Variants in OR2Z1 observed in about 807,000 individuals in gnomAD.
OR2Z1 encodes olfactory receptor family 2 subfamily Z member 1, also known as olfactory receptor 2Z1.
For synonymous variants in OR2Z1, 188 were observed against 160.6 expected, an observed-to-expected ratio of 1.17 and a Z score of -1.29; for missense variants, 449 against 401.8, an observed-to-expected ratio of 1.12 and a Z score of -1.00.
intron 2 of OR2Z1, among the ~76,000 whole-genome samples, chr19:8,725,412 T>C (rs1321922857): frequency 2.0e-5 from 3 of 152,094 alleles, no homozygotes; most frequent in African/African-American, 7.2e-5. Flanking sequence ...CTGGCTAATT[T>C]TTGTATTTTT....
chr19:8,730,046 G>T (rs1555756557), intron 2 of OR2Z1, among the ~76,000 whole-genome samples: 1 of 152,080 alleles, frequency 6.6e-6, no homozygotes, highest in Non-Finnish European at 1.5e-5. Flanking sequence ...GCAATCCATG[G>T]TGTCTATATA....
At chr19:8,730,098 G>A (rs1054106847) in intron 2 of OR2Z1, among the ~76,000 whole-genome samples, 1 of 152,118 alleles carries the variant, frequency 6.6e-6, no homozygotes, top group African/African-American at 2.4e-5. Context: ...TAGGCACCCC[G>A]GTTGATTCAA....
chr19:8,728,196 A>G (rs576884234), intron 2 of OR2Z1, among the ~76,000 whole-genome samples: 1 of 152,340 alleles, frequency 6.6e-6, no homozygotes, highest in East Asian at 1.9e-4. Context: ...AGTTGTGGGC[A>G]CTGCATGGTC....
In OR2Z1 at chr19:8,731,844, C is replaced by T. The variant is rs139566081; in HGVS notation, c.816C>T (p.Asn272=). ...PCAYHSPQQD[N]VVSLFYSLVT... Reference sequence around the variant, plus strand: ...CCTACCACAGTCCACAGCAGGATAACGTGGTTTCCCTCTTCTATAGCCTTG... The same window carrying T: ...CCTACCACAGTCCACAGCAGGATAATGTGGTTTCCCTCTTCTATAGCCTTG... The change falls in exon 3 of 3, where the codon AAC becomes AAT. Residue 272 remains asparagine (N), a synonymous_variant. Coordinates refer to ENST00000641125, the MANE Select transcript of OR2Z1 (RefSeq NM_001004699.3). 8.1e-6 allele frequency: 13 copies of T among 1,614,206 alleles called. No individual in the cohort carries two copies. Among genetic ancestry groups the T allele is most frequent in the African/African-American group, 5.3e-5 (4 of 75,058 alleles).
chr19:8,723,345 G>A (rs2043314332), intron 2 of OR2Z1, among the ~76,000 whole-genome samples, 195 bp downstream of exon 2: 1 of 151,952 alleles, frequency 6.6e-6, no homozygotes, highest in Non-Finnish European at 1.5e-5. Context: ...AAACTTCCAT[G>A]CCTCCTTCTC....
intron 1 of OR2Z1, 42 bp from the exon 2 acceptor site, chr19:8,723,064 C>T (rs1487855323): frequency 6.6e-6 from 1 of 152,114 alleles, no homozygotes; most frequent in Non-Finnish European, 1.5e-5. Context: ...ATTAGAGGAA[C>T]TGCTAGAGAT....
At chr19:8,728,944 T>A in intron 2 of OR2Z1, 1 of 677,014 alleles carries the variant, frequency 1.5e-6, no homozygotes, top group South Asian at 1.4e-5. Context: ...TCTATCTTCT[T>A]GATGGTGGAC....
chr19:8,730,906 C>T lies in OR2Z1; in HGVS notation c.-123C>T. ...CTCATTACTCTTCTCAAGACACCATCCCAGGAAGCCACTACCAATCAATGA... is the reference window on the plus strand; with the variant it reads ...CTCATTACTCTTCTCAAGACACCATTCCAGGAAGCCACTACCAATCAATGA... On this transcript the variant is annotated 5_prime_UTR_variant, in exon 3 of 3. Transcript: ENST00000641125. 1.4e-6 allele frequency: 1 copy of T among 711,914 alleles called. No homozygotes were observed. The highest frequency in any genetic ancestry group is 2.4e-6 in the Non-Finnish European group (1 of 423,558). The allele number at this position is 711,914 out of a possible 1,614,324, so 44.1% of individuals were successfully genotyped here. A position where few individuals can be genotyped will look rare whatever the true frequency, so the allele number is the denominator to read the frequency against.
rs782250360 is a variant in OR2Z1, at chr19:8,731,037, T to C, written c.9T>C (p.Asp3=). 1 of 1,613,934 alleles carries C rather than the reference T, an allele frequency of 6.2e-7. No individual in the cohort carries two copies. The highest frequency in any genetic ancestry group is 1.7e-5 in the Admixed American group (1 of 60,018). Residue 3 remains aspartate, a synonymous_variant, in exon 3 of 3, where the codon GAT becomes GAC. Transcript: ENST00000641125. The part of the protein sequence containing the change: MG[D]VNQSVASDFI... ...AGTGCATTGTGTAAAACATGGGGGATGTGAATCAGTCGGTGGCCTCAGACT... is the reference window on the plus strand; with the variant it reads ...AGTGCATTGTGTAAAACATGGGGGACGTGAATCAGTCGGTGGCCTCAGACT...
chr19:8,731,807 T>C lies in OR2Z1; in HGVS notation c.779T>C (p.Met260Thr), dbSNP rs552110038. The C allele has an allele frequency of 3.1e-6, 5 of 1,614,214 alleles. No homozygotes were observed. The highest frequency in any genetic ancestry group is 2.2e-5 in the East Asian group (1 of 44,876). Residue 260 changes from methionine (M) to threonine (T), a missense_variant, in exon 3 of 3, where the codon ATG (methionine) becomes ACG (threonine). Transcript: ENST00000641125. ...LFYGAAVFMY[M>T]VPCAYHSPQQ... Reference sequence around the variant, plus strand: ...TATGGTGCCGCCGTGTTCATGTACATGGTGCCTTGCGCCTACCACAGTCCA... The same window carrying C: ...TATGGTGCCGCCGTGTTCATGTACACGGTGCCTTGCGCCTACCACAGTCCA...
rs1485317588 is a variant in OR2Z1, at chr19:8,730,929, T to G, written c.-100T>G. 6 of 870,174 alleles carry G rather than the reference T, an allele frequency of 6.9e-6. No homozygotes were observed. In the African/African-American group the frequency reaches 1.0e-4, roughly 15 times the overall value. The allele number at this position is 870,174 out of a possible 1,614,324, so 53.9% of individuals were successfully genotyped here. A position where few individuals can be genotyped will look rare whatever the true frequency, so the allele number is the denominator to read the frequency against. On this transcript the variant is annotated 5_prime_UTR_variant, in exon 3 of 3. It removes an upstream start codon present in the reference 5' UTR. Transcript: ENST00000641125. ...ATCCCAGGAAGCCACTACCAATCAA[T>G]GATGATTGGCATGTGAGATGAAAAT...
At chr19:8,728,791 G>A (rs782608234) in intron 2 of OR2Z1, 6 of 624,878 alleles carry the variant, frequency 9.6e-6, no homozygotes, top group Admixed American at 3.6e-5. Flanking sequence ...GGAGCCAGTC[G>A]AACATATGCC....
intron 2 of OR2Z1, chr19:8,729,219 C>A: frequency 1.4e-6 from 1 of 692,192 alleles, no homozygotes; most frequent in Non-Finnish European, 2.5e-6. Flanking sequence ...TGAAAAGGGC[C>A]CAATAGGTAG....
At chr19:8,722,756 A>C (rs1161581570) in intron 1 of OR2Z1, among the ~76,000 whole-genome samples, 12 of 152,154 alleles carry the variant, frequency 7.9e-5, no homozygotes, top group Admixed American at 3.3e-4. Context: ...TAATCCCAGC[A>C]CTTTGTGAGG....
chr19:8,726,794 T>C (rs577024865), intron 2 of OR2Z1, among the ~76,000 whole-genome samples: 322 of 152,308 alleles, frequency 2.1e-3, no homozygotes, highest in Non-Finnish European at 1.9e-3. Flanking sequence ...GGCCATCATC[T>C]GAGTGAGGAA....
intron 1 of OR2Z1, among the ~76,000 whole-genome samples, chr19:8,722,601 C>T (rs1555755801): frequency 6.6e-6 from 1 of 152,186 alleles, no homozygotes; most frequent in African/African-American, 2.4e-5. Flanking sequence ...TGAGATGTTC[C>T]AGCCCAGATT....
intron 2 of OR2Z1, among the ~76,000 whole-genome samples, chr19:8,729,557 G>A (rs1277594479): frequency 6.6e-6 from 1 of 151,040 alleles, no homozygotes; most frequent in African/African-American, 2.4e-5. Flanking sequence ...ACTACAGGCA[G>A]TCACCACCAA....
At position 8,730,980 on chromosome 19, in the gene OR2Z1, T is replaced by A; in HGVS notation, c.-49T>A. ...TATTTGCCACCCCATGCAGGCTTCT[T>A]GCCATAGTTCAGCTGTTCTTCCTGC... On this transcript the variant is annotated 5_prime_UTR_variant, in exon 3 of 3. Coordinates refer to ENST00000641125, the MANE Select transcript of OR2Z1 (RefSeq NM_001004699.3). The A allele has an allele frequency of 6.7e-7, 1 of 1,493,076 alleles. No homozygotes were observed. Among genetic ancestry groups the A allele is most frequent in the Non-Finnish European group, 9.2e-7 (1 of 1,081,228 alleles). 92.5% of individuals were successfully genotyped at this position (1,493,076 alleles called of 1,614,324 possible).
intron 2 of OR2Z1, among the ~76,000 whole-genome samples, chr19:8,723,526 G>A (rs2043314984): frequency 6.6e-6 from 1 of 152,042 alleles, no homozygotes; most frequent in Non-Finnish European, 1.5e-5. Flanking sequence ...TAAATTATCT[G>A]ACTCCCGTAC....
Sources: gnomAD v4.1 joint callset for allele counts (sites outside exome capture counted in the v4.1 genomes callset) on GRCh38, gnomAD v4.1.1 for gene constraint, MANE v1.5 for transcripts, NCBI Gene and HGNC (gene_info 2026-07-23, HGNC 2026-07-21) for gene names.